Variants in LYPD8 observed in about 807,000 individuals in gnomAD.
LYPD8 encodes the protein LY6/PLAUR domain containing 8, also known as ly6/PLAUR domain-containing protein 8.
In LYPD8, 8 loss-of-function variants were observed where a neutral mutation model predicts 1.7. The ratio of observed to expected loss-of-function variants is 4.58; its 90% CI spans 2.69 to 8.27. The LOEUF is 8.27. LYPD8 is among the 30% of genes most tolerant of loss of function. The pLI is 0.00. For missense variants in LYPD8, 112 were observed against 102.3 expected (o/e 1.09, Z -0.41); for synonymous variants, 50 against 43.6 (o/e 1.15, Z -0.58).
chr1:248,739,484 T>C lies in LYPD8; in HGVS notation c.*127A>G, dbSNP rs916791150. On this transcript the variant is annotated 3_prime_UTR_variant, in exon 7 of 7. Transcript: ENST00000590317. This position sits in a 1 kb window ranked among gnomAD's most constrained non-coding sequence, Gnocchi z 4.3. ...CAGCTGTCGGCATTGCCTGGAGACC[T>C]GTGACTCCCACTTACTGGGCAGTTA... 5.3e-6 allele frequency: 7 copies of C among 1,314,746 alleles called. No individual in the cohort carries two copies. Among genetic ancestry groups the C allele is most frequent in the Non-Finnish European group, 7.3e-6 (7 of 964,788 alleles). The allele number at this position is 1,314,746 out of a possible 1,614,324, so 81.4% of individuals were successfully genotyped here.
At chr1:248,748,569 T>C (rs1007534208) in intron 4 of LYPD8, 116 bp from the exon 5 acceptor site, 19 of 396,164 alleles carry the variant, frequency 4.8e-5, no homozygotes, top group Non-Finnish European at 8.4e-5. Context: ...CTCAGTATCA[T>C]GCAGTTTTGA....
At position 248,752,604 on chromosome 1, in the gene LYPD8, ACCCC is replaced by A. The variant is rs1662818679; in HGVS notation, c.-49-1478_-49-1475del. ...CACACACACACCACACACCCCACAC[ACCCC>A]ACACACATCACACACACACACCACA... On this transcript the variant is annotated intron_variant, in intron 2 of 6. Transcript: ENST00000590317. Among the ~76,000 whole-genome samples, 45 of 131,002 alleles carry A rather than the reference ACCCC, an allele frequency of 3.4e-4. No individual in the cohort carries two copies. The South Asian group carries it at 9.7e-3, about 28-fold the overall frequency. 85.9% of individuals were successfully genotyped at this position (131,002 alleles called of 152,430 possible).
At chr1:248,755,621 G>A (rs1037976631) in intron 1 of LYPD8, 84 bp downstream of exon 1, 3 of 152,338 alleles carry the variant, frequency 2.0e-5, no homozygotes, top group African/African-American at 7.2e-5. Context: ...CTTGGCCGGG[G>A]AAGGACCTGA....
At chr1:248,751,818 G>A (rs1662806888) in intron 2 of LYPD8, among the ~76,000 whole-genome samples, 1 of 152,042 alleles carries the variant, frequency 6.6e-6, no homozygotes, top group African/African-American at 2.4e-5. Context: ...TCCTCAGCCT[G>A]GACACACTCA....
At chr1:248,753,464 ACAACACACCACAT>A in intron 2 of LYPD8, among the ~76,000 whole-genome samples, 1 of 125,588 alleles carries the variant, frequency 8.0e-6, no homozygotes. Context: ...CACACCCCAC[ACAACACACCACAT>A]CACACACACA....
chr1:248,752,794 A>ACC (rs1662831211), intron 2 of LYPD8, among the ~76,000 whole-genome samples: 1 of 61,470 alleles, frequency 1.6e-5, no homozygotes. Context: ...CCACACACAC[A>ACC]CCACACCCCA....
At chr1:248,742,249 G>A (rs1212598324) in intron 6 of LYPD8, among the ~76,000 whole-genome samples, 3 of 133,900 alleles carry the variant, frequency 2.2e-5, no homozygotes, top group African/African-American at 5.8e-5. Flanking sequence ...GTTGGCAGCC[G>A]GGGGAGGTTA....
chr1:248,740,206 G>A (rs782126945), intron 6 of LYPD8, among the ~76,000 whole-genome samples: 2 of 152,192 alleles, frequency 1.3e-5, no homozygotes, highest in Non-Finnish European at 2.9e-5. Flanking sequence ...ACCAGGAACA[G>A]ATTCAAAAGG....
rs1247013924 is a variant in LYPD8 at position 248,752,802 on chromosome 1, C to A, written c.-49-1672G>T. The stretch of plus-strand genomic sequence containing the variant: ...ACACACACCACACACACACCACACC[C>A]CACAACACACACACATCACATCACA... On this transcript the variant is annotated intron_variant, in intron 2 of 6. Coordinates refer to ENST00000590317, the MANE Select transcript of LYPD8 (RefSeq NM_001085474.2). Among the ~76,000 whole-genome samples the A allele has an allele frequency of 3.7e-4, 36 of 98,052 alleles. 1 individual carries two copies. Among genetic ancestry groups the A allele is most frequent in the East Asian group, 9.4e-4 (2 of 2,134 alleles). The allele number at this position is 98,052 out of a possible 152,430, so 64.3% of individuals were successfully genotyped here. A position where few individuals can be genotyped will look rare whatever the true frequency, so the allele number is the denominator to read the frequency against.
chr1:248,746,266 G>A (rs1224177308), intron 5 of LYPD8, among the ~76,000 whole-genome samples: 1 of 152,150 alleles, frequency 6.6e-6, no homozygotes, highest in South Asian at 2.1e-4. Context: ...TTAAGACATA[G>A]AGTCTTAACA....
Position 248,739,705 on chromosome 1 carries a change from G to A in LYPD8, c.620C>T (p.Thr207Met), listed in dbSNP as rs782564451. ...ECANVNSLTP[T>M]SAPTTSHNVG... ...GTTGTGGGAAGTGGTTGGTGCAGAC[G>A]TGGGGGTTAAGCTGTTTACATTTGC... Residue 207 changes from threonine to methionine, a missense_variant, in exon 7 of 7, where the codon ACG (threonine) becomes ATG (methionine). Thr to Met is a moderately conservative substitution (Grantham distance 81). Coordinates refer to ENST00000590317, the MANE Select transcript of LYPD8 (RefSeq NM_001085474.2). The surrounding 1 kb of genome is among the most constrained non-coding windows in gnomAD (Gnocchi z 4.3). 2.7e-5 allele frequency: 42 copies of A among 1,551,616 alleles called. No individual in the cohort carries two copies. The highest frequency in any genetic ancestry group is 1.7e-4 in the East Asian group (7 of 40,928).
rs1553283074 is a variant in LYPD8, at chr1:248,739,726, T to C, written c.599A>G (p.Asn200Ser). The C allele has an allele frequency of 4.5e-6, 7 of 1,551,584 alleles. No homozygotes were observed. The East Asian group carries it at 1.7e-4, about 38-fold the overall frequency. ...AGACGTGGGGGTTAAGCTGTTTACATTTGCACACTCAAACTTTCGAAAGAT... is the reference window on the plus strand; with the variant it reads ...AGACGTGGGGGTTAAGCTGTTTACACTTGCACACTCAAACTTTCGAAAGAT... The part of the protein sequence containing the change: ...GVIFRKFECA[N>S]VNSLTPTSAP... The change falls in exon 7 of 7, where the codon AAT becomes AGT. Residue 200 changes from asparagine (N) to serine (S), a missense_variant. By Grantham distance (46) the Asn-to-Ser change is conservative (BLOSUM62 1). Coordinates refer to ENST00000590317, the MANE Select transcript of LYPD8 (RefSeq NM_001085474.2). The surrounding 1 kb of genome is among the most constrained non-coding windows in gnomAD (Gnocchi z 4.3).
chr1:248,752,539 CCA>C (rs1491405108), intron 2 of LYPD8, among the ~76,000 whole-genome samples: 1 of 147,854 alleles, frequency 6.8e-6, no homozygotes, highest in Non-Finnish European at 1.5e-5. Flanking sequence ...ACACACCACA[CCA>C]CACAAACACA....
Position 248,739,660 on chromosome 1 carries a change from AG to A in LYPD8, c.664del (p.Leu222SerfsTer55). 1.3e-6 allele frequency: 2 copies of A among 1,551,712 alleles called. No individual in the cohort carries two copies. The highest frequency in any genetic ancestry group is 1.7e-6 in the Non-Finnish European group (2 of 1,146,990). On this transcript the variant is annotated frameshift_variant, in exon 7 of 7. Transcript: ENST00000590317. LOFTEE classifies it low-confidence loss of function (END_TRUNC). This position sits in a 1 kb window ranked among gnomAD's most constrained non-coding sequence, Gnocchi z 4.3. ...TSHNVGSKAS[L>X]YLLALASLLL... Reference sequence around the variant, plus strand: ...GAGGCTGGCAAGGGCCAAGAGGTAGAGGGAAGCTTTGGAGCCCACGTTGTGG... The same window carrying A: ...GAGGCTGGCAAGGGCCAAGAGGTAGAGGAAGCTTTGGAGCCCACGTTGTGG...
intron 2 of LYPD8, among the ~76,000 whole-genome samples, chr1:248,752,751 CCCACACACA>C (rs1662826854): frequency 7.9e-6 from 1 of 126,056 alleles, no homozygotes; most frequent in Non-Finnish European, 1.7e-5. Context: ...CACCACACAC[CCCACACACA>C]CCACACACCC....
chr1:248,743,011 G>T (rs1258181167), intron 6 of LYPD8, among the ~76,000 whole-genome samples: 5 of 145,042 alleles, frequency 3.4e-5, no homozygotes, highest in Admixed American at 3.4e-4. Flanking sequence ...CTCTGGTGGG[G>T]ATGTTGGCAG....
At chr1:248,750,184 G>C in intron 4 of LYPD8, among the ~76,000 whole-genome samples, 1 of 152,316 alleles carries the variant, frequency 6.6e-6, no homozygotes, top group East Asian at 1.9e-4. Context: ...AACCATGAGA[G>C]AGAGAAATGA....
In LYPD8 at chr1:248,753,283, ACACACACACCACACACACCACACACCC is replaced by A. The variant is rs1428025364; in HGVS notation, c.-50+1929_-50+1955del. Among the ~76,000 whole-genome samples, 867 of 94,586 alleles carry A rather than the reference ACACACACACCACACACACCACACACCC, an allele frequency of 9.2e-3. 31 individuals carry two copies. The highest frequency in any genetic ancestry group is 0.038 in the African/African-American group (821 of 21,828). 62.1% of individuals were successfully genotyped at this position (94,586 alleles called of 152,430 possible). On this transcript the variant is annotated intron_variant, in intron 2 of 6. Transcript: ENST00000590317. ...CCGCATCACACACACACCACACAAC[ACACACACACCACACACACCACACACCC>A]CACACAACACACAACACATCACACA...
At chr1:248,754,714 G>A (rs1662895160) in intron 2 of LYPD8, among the ~76,000 whole-genome samples, 1 of 152,148 alleles carries the variant, frequency 6.6e-6, no homozygotes, top group Admixed American at 6.6e-5. Context: ...CGGTCTGGGA[G>A]AAGAGGCCCA....
Sources: gnomAD v4.1 joint callset for allele counts (sites outside exome capture counted in the v4.1 genomes callset) on GRCh38, gnomAD v4.1.1 for gene constraint, Gnocchi (gnomAD v3.1) non-coding constraint, MANE v1.5 for transcripts, NCBI Gene and HGNC (gene_info 2026-07-23, HGNC 2026-07-21) for gene names.